The following CAPN1 variants were observed in gnomAD, a reference collection of about 807,000 sequenced individuals.
The protein encoded by CAPN1 is calpain 1.
A neutral mutation model predicts 105.2 loss-of-function variants in CAPN1; 77 were observed. The observed-to-expected ratio is 0.73, with a 90% CI of 0.61 to 0.88. The LOEUF is 0.88. Among genes scored for constraint, CAPN1 ranks in the 40% least tolerant of loss-of-function variants. The pLI is 0.00. For missense variants in CAPN1, 833 were observed against 976.6 expected (o/e 0.85, Z 1.96); for synonymous variants, 355 against 388.8 (o/e 0.91, Z 1.02).
In CAPN1 at chr11:65,209,432, G is replaced by T. The variant is rs888599579; in HGVS notation, c.1794+45G>T. The T allele has an allele frequency of 2.0e-6, 3 of 1,526,408 alleles. No individual in the cohort carries two copies. The highest frequency in any genetic ancestry group is 1.8e-5 in the Admixed American group (1 of 56,924). The allele number at this position is 1,526,408 out of a possible 1,614,324, so 94.6% of individuals were successfully genotyped here. ...TGTCTCCTGAGTGGGGTTTTGGGTG[G>T]AGGTATCGGTGCTGGGAGAACTGTC... On this transcript the variant is annotated intron_variant, in intron 17 of 21. Coordinates refer to ENST00000279247, the MANE Select transcript of CAPN1 (RefSeq NM_005186.4). The surrounding 1 kb of genome is among the most constrained non-coding windows in gnomAD (Gnocchi z 4.1).
chr11:65,202,804 TCA>T (rs1439771296), intron 10 of CAPN1, among the ~76,000 whole-genome samples: 1 of 152,190 alleles, frequency 6.6e-6, no homozygotes, highest in South Asian at 2.1e-4. Context: ...TAAAGTATAT[TCA>T]CAGAGTTGTG....
chr11:65,183,162 G>C lies in CAPN1; in HGVS notation c.302G>C (p.Gly101Ala), dbSNP rs534135243. ...TCAAACCCCCAGTTCATTGTGGATG[G>C]AGCTACCCGCACAGACATCTGCCAG... ...LLSNPQFIVD[G>A]ATRTDICQGA... Residue 101 changes from glycine (G) to alanine (A), a missense_variant, in exon 3 of 22, where the codon GGA (glycine) becomes GCA (alanine). By Grantham distance (60) the Gly-to-Ala change is moderately conservative. Coordinates refer to ENST00000279247, the MANE Select transcript of CAPN1 (RefSeq NM_005186.4). 9.7e-5 allele frequency: 156 copies of C among 1,613,914 alleles called. No homozygotes were observed. The highest frequency in any genetic ancestry group is 1.6e-4 in the Middle Eastern group (1 of 6,062).
At chr11:65,184,427 C>A (rs1037492602) in intron 4 of CAPN1, among the ~76,000 whole-genome samples, 2 of 149,800 alleles carry the variant, frequency 1.3e-5, no homozygotes, top group Non-Finnish European at 3.0e-5. Context: ...CAGTTCAGTA[C>A]CCGCCACCCA....
At position 65,209,765 on chromosome 11, in the gene CAPN1, G is replaced by A. The variant is rs555177195; in HGVS notation, c.1795-84G>A. The A allele has an allele frequency of 5.6e-5, 77 of 1,368,088 alleles. No individual in the cohort carries two copies. In the African/African-American group the frequency reaches 9.6e-4, roughly 17 times the overall value. The allele number at this position is 1,368,088 out of a possible 1,614,324, so 84.7% of individuals were successfully genotyped here. On this transcript the variant is annotated intron_variant, in intron 17 of 21. Coordinates refer to ENST00000279247, the MANE Select transcript of CAPN1 (RefSeq NM_005186.4). This position sits in a 1 kb window ranked among gnomAD's most constrained non-coding sequence, Gnocchi z 4.1. ...CAGCCCCAAGTCGACTTGCCGGCTC[G>A]GCGGCCATCTCCCCTTCTGCACAGT...
At chr11:65,190,537 T>G (rs1455723170) in intron 10 of CAPN1, among the ~76,000 whole-genome samples, 1 of 152,182 alleles carries the variant, frequency 6.6e-6, no homozygotes, top group Admixed American at 6.5e-5. Context: ...CGCCCTCAAG[T>G]AGTCCTGAGG....
upstream of CAPN1, chr11:65,181,381 CCCT>C: frequency 3.5e-6 from 1 of 286,036 alleles, no homozygotes; most frequent in Non-Finnish European, 7.2e-6. This position sits in a 1 kb window ranked among gnomAD's most constrained non-coding sequence, Gnocchi z 4.6. Flanking sequence ...CCAGCCCGGC[CCCT>C]CCTCAGAGCA....
In CAPN1 at chr11:65,206,583, G is replaced by A. The variant is rs17883283; in HGVS notation, c.1474G>A (p.Gly492Arg). Residue 492 changes from glycine to arginine, a missense_variant, in exon 13 of 22, where the codon GGG becomes AGG. Coordinates refer to ENST00000279247, the MANE Select transcript of CAPN1 (RefSeq NM_005186.4). ...CAGCACCCGCTTCCGCCTGCCACCC[G>A]GGGAGTATGTGGTGGTGCCCTCCAC... ...EVSTRFRLPP[G>R]EYVVVPSTFE... is the part of the protein sequence containing the mutation. The A allele has an allele frequency of 1.6e-3, 2,601 of 1,613,394 alleles. 3 individuals are homozygous for A. Among genetic ancestry groups the A allele is most frequent in the Non-Finnish European group, 2.0e-3 (2,399 of 1,179,832 alleles).
chr11:65,196,574 G>A (rs1948795371), intron 10 of CAPN1, among the ~76,000 whole-genome samples: 1 of 151,966 alleles, frequency 6.6e-6, no homozygotes, highest in Non-Finnish European at 1.5e-5. Flanking sequence ...TCAAATACTA[G>A]AACTTATTCC....
rs1948992874 is a variant in CAPN1 at position 65,208,236 on chromosome 11, C to G, written c.1703C>G (p.Thr568Arg). 1 of 1,572,100 alleles carries G rather than the reference C, an allele frequency of 6.4e-7. No homozygotes were observed. Among genetic ancestry groups the G allele is most frequent in the South Asian group, 1.2e-5 (1 of 85,584 alleles). Reference sequence around the variant, plus strand: ...GAGATCAGCGTGAAGGAGTTGCGGACAATCCTCAATAGGATCATCAGCAAA... The same window carrying G: ...GAGATCAGCGTGAAGGAGTTGCGGAGAATCCTCAATAGGATCATCAGCAAA... ...DMEISVKELR[T>R]ILNRIISKHK... The change falls in exon 16 of 22, where the codon ACA becomes AGA. Residue 568 changes from threonine to arginine, a missense_variant. Physicochemically the swap from Thr to Arg is moderately conservative, Grantham distance 71. Coordinates refer to ENST00000279247, the MANE Select transcript of CAPN1 (RefSeq NM_005186.4). The surrounding 1 kb of genome is among the most constrained non-coding windows in gnomAD (Gnocchi z 4.1).
At position 65,210,303 on chromosome 11, in the gene CAPN1, C is replaced by A; in HGVS notation, c.1943-33C>A. 6.7e-7 allele frequency: 1 copy of A among 1,488,108 alleles called. No homozygotes were observed. The allele number at this position is 1,488,108 out of a possible 1,614,324, so 92.2% of individuals were successfully genotyped here. ...CCCATCCTGTTGGGCAGGGGCTGCG[C>A]CTCACTGACCTTCACTCACTCTCCT... On this transcript the variant is annotated intron_variant, in intron 19 of 21. Transcript: ENST00000279247. The surrounding 1 kb of genome is among the most constrained non-coding windows in gnomAD (Gnocchi z 4.3).
intron 10 of CAPN1, chr11:65,203,598 T>G (rs539109901): frequency 4.7e-4 from 72 of 152,370 alleles, no homozygotes; most frequent in African/African-American, 1.6e-3. Flanking sequence ...TGACCTCAAG[T>G]GATCCGTCTG....
chr11:65,208,813 A>G lies in CAPN1; in HGVS notation c.1730-510A>G. 1 of 211,934 alleles carries G rather than the reference A, an allele frequency of 4.7e-6. No homozygotes were observed. Among genetic ancestry groups the G allele is most frequent in the Non-Finnish European group, 9.6e-6 (1 of 104,146 alleles). 13.1% of individuals were successfully genotyped at this position (211,934 alleles called of 1,614,324 possible). A position where few individuals can be genotyped will look rare whatever the true frequency, so the allele number is the denominator to read the frequency against. Reference sequence around the variant, plus strand: ...AAGCAGGAGCAGCACCTTAGTGCCAAAGAAAAGTCTACCTTTCCTCCCAGA... The same window carrying G: ...AAGCAGGAGCAGCACCTTAGTGCCAGAGAAAAGTCTACCTTTCCTCCCAGA... On this transcript the variant is annotated intron_variant, in intron 16 of 21. Transcript: ENST00000279247. The surrounding 1 kb of genome is among the most constrained non-coding windows in gnomAD (Gnocchi z 4.1).
chr11:65,211,193 G>A (rs916335717), intron 21 of CAPN1, 67 bp from the exon 22 acceptor site: 7 of 1,583,620 alleles, frequency 4.4e-6, no homozygotes, highest in Non-Finnish European at 6.0e-6. Flanking sequence ...TGGACCTGGG[G>A]TTTGGGTGGG....
rs908437340 is a variant in CAPN1, at chr11:65,211,640, C to T, written c.*354C>T. The T allele has an allele frequency of 3.7e-5, 15 of 406,602 alleles. No homozygotes were observed. Among genetic ancestry groups the T allele is most frequent in the African/African-American group, 2.0e-4 (10 of 50,482 alleles). 25.2% of individuals were successfully genotyped at this position (406,602 alleles called of 1,614,324 possible). On this transcript the variant is annotated 3_prime_UTR_variant, in exon 22 of 22. Transcript: ENST00000279247. ...TCAGAGGCCACCCACTCAGCACCAC[C>T]GGCCTGGCCTTGCCTGCAGACTATA... is the stretch of plus-strand genomic sequence containing the variant.
At position 65,209,207 on chromosome 11, in the gene CAPN1, T is replaced by C; in HGVS notation, c.1730-116T>C. ...TCCTGCCCACTTCCTCTGCCAGATA[T>C]TGCACCCACTCGTCAGGATTTGTGC... On this transcript the variant is annotated intron_variant, in intron 16 of 21. Coordinates refer to ENST00000279247, the MANE Select transcript of CAPN1 (RefSeq NM_005186.4). The surrounding 1 kb of genome is among the most constrained non-coding windows in gnomAD (Gnocchi z 4.1). 2.7e-6 allele frequency: 2 copies of C among 739,628 alleles called. No individual in the cohort carries two copies. The highest frequency in any genetic ancestry group is 1.5e-5 in the South Asian group (1 of 65,866). 45.8% of individuals were successfully genotyped at this position (739,628 alleles called of 1,614,324 possible).
Position 65,208,582 on chromosome 11 carries a change from A to G in CAPN1, c.1729+320A>G, listed in dbSNP as rs1187061134. On this transcript the variant is annotated intron_variant, in intron 16 of 21. Transcript: ENST00000279247. This position sits in a 1 kb window ranked among gnomAD's most constrained non-coding sequence, Gnocchi z 4.1. ...CGCTTCAGCCCAGGAGTTCAACACCAGCCTGGACAATATGGAGAGACCCTG... is the reference window on the plus strand; with the variant it reads ...CGCTTCAGCCCAGGAGTTCAACACCGGCCTGGACAATATGGAGAGACCCTG... 2.2e-6 allele frequency: 1 copy of G among 448,806 alleles called. No individual in the cohort carries two copies. Among genetic ancestry groups the G allele is most frequent in the Non-Finnish European group, 4.1e-6 (1 of 241,264 alleles). 27.8% of individuals were successfully genotyped at this position (448,806 alleles called of 1,614,324 possible).
Position 65,188,811 on chromosome 11 carries a change from CT to C in CAPN1, c.1165+67del. On this transcript the variant is annotated intron_variant, in intron 10 of 21. Transcript: ENST00000279247. The surrounding 1 kb of genome is among the most constrained non-coding windows in gnomAD (Gnocchi z 5.5). ...TTAGGGGCTCCAGAAGGCACGTCAT[CT>C]TACTGAGCCTCCGTTTCCTCACTTG... The C allele has an allele frequency of 7.5e-7, 1 of 1,337,994 alleles. No individual in the cohort carries two copies. Among genetic ancestry groups the C allele is most frequent in the Non-Finnish European group, 1.0e-6 (1 of 968,802 alleles). The allele number at this position is 1,337,994 out of a possible 1,614,324, so 82.9% of individuals were successfully genotyped here. A position where few individuals can be genotyped will look rare whatever the true frequency, so the allele number is the denominator to read the frequency against.
chr11:65,182,998 G>C, intron 2 of CAPN1, 30 bp downstream of exon 2: 1 of 1,612,410 alleles, frequency 6.2e-7, no homozygotes, highest in Non-Finnish European at 8.5e-7. Flanking sequence ...GTGGGACTCG[G>C]CTAAGCCAGA....
intron 10 of CAPN1, among the ~76,000 whole-genome samples, chr11:65,194,692 TG>T (rs1695365860): frequency 6.6e-6 from 1 of 152,240 alleles, no homozygotes. Flanking sequence ...TCATTTATGG[TG>T]TAGAAGTACT....
Sources: gnomAD v4.1 joint callset for allele counts (sites outside exome capture counted in the v4.1 genomes callset) on GRCh38, gnomAD v4.1.1 for gene constraint, Gnocchi (gnomAD v3.1) non-coding constraint, MANE v1.5 for transcripts, NCBI Gene and HGNC (gene_info 2026-07-23, HGNC 2026-07-21) for gene names.